The following MICAL2 variants were observed in gnomAD, a reference collection of about 807,000 sequenced individuals.
The protein encoded by MICAL2 is microtubule associated monooxygenase, calponin and LIM domain containing 2, also known as [F-actin]-monooxygenase MICAL2.
In MICAL2, 77 loss-of-function variants were observed where a neutral mutation model predicts 127.3. That is an observed-to-expected ratio of 0.60 (90% confidence interval 0.50 to 0.73). MICAL2 has a LOEUF of 0.73. Ranked by LOEUF, MICAL2 falls within the 30% of genes least tolerant of loss-of-function variation. The pLI, the probability that MICAL2 is intolerant of heterozygous loss-of-function variation, is 0.00. For missense variants in MICAL2, 1,351 were observed against 1,434.4 expected, an observed-to-expected ratio of 0.94 and a Z score of 0.94; for synonymous variants, 570 against 551.1, an observed-to-expected ratio of 1.03 and a Z score of -0.48.
At chr11:12,152,262 C>A (rs1674747436) in intron 2 of MICAL2, among the ~76,000 whole-genome samples, 1 of 121,750 alleles carries the variant, frequency 8.2e-6, no homozygotes, top group East Asian at 2.6e-4. Context: ...TGCACCACTG[C>A]ACTCTAGCTT....
chr11:12,255,233 T>C, intron 22 of MICAL2: 1 of 174,022 alleles, frequency 5.7e-6, no homozygotes, highest in Non-Finnish European at 1.2e-5. Context: ...TAACCATTTT[T>C]TAAGGGTACG....
chr11:12,241,856 A>G (rs1288847313), intron 18 of MICAL2, among the ~76,000 whole-genome samples: 2 of 151,964 alleles, frequency 1.3e-5, no homozygotes, highest in Non-Finnish European at 2.9e-5. Context: ...AAAACTACCA[A>G]TGTCTCATGC....
At chr11:12,336,664 G>T (rs12223705) in intron 32 of MICAL2, among the ~76,000 whole-genome samples, 19,223 of 151,594 alleles carry the variant, frequency 0.13, 1,516 homozygotes, top group South Asian at 0.22. Flanking sequence ...TAGCATGAAG[G>T]GTTGTTGAAT....
At chr11:12,273,183 G>A (rs79987674), upstream of MICAL2, among the ~76,000 whole-genome samples, 659 of 152,306 alleles carry the variant, frequency 4.3e-3, 6 homozygotes, top group African/African-American at 0.015. Flanking sequence ...TGCTGGTGTC[G>A]TAACCTCTCT....
intron 3 of MICAL2, among the ~76,000 whole-genome samples, chr11:12,195,409 G>C (rs1162140536): frequency 6.6e-6 from 1 of 152,156 alleles, no homozygotes; most frequent in South Asian, 2.1e-4. Flanking sequence ...TGAGTAGAAG[G>C]ATAGACGGAT....
intron 3 of MICAL2, among the ~76,000 whole-genome samples, chr11:12,162,951 T>C (rs763569421): frequency 2.4e-4 from 36 of 152,178 alleles, no homozygotes; most frequent in Admixed American, 4.6e-4. Context: ...GGTGTGGACA[T>C]TTTAGAAAGA....
intron 29 of MICAL2, among the ~76,000 whole-genome samples, chr11:12,299,398 C>G (rs983315122): frequency 6.6e-6 from 1 of 152,160 alleles, no homozygotes; most frequent in African/African-American, 2.4e-5. Context: ...CAGCATCATG[C>G]TCATTCAAAT....
intron 17 of MICAL2, among the ~76,000 whole-genome samples, chr11:12,240,465 T>C (rs913041324): frequency 2.6e-5 from 4 of 152,208 alleles, no homozygotes; most frequent in Admixed American, 2.6e-4. Context: ...TTAGTCTTGA[T>C]GTGGACTGTG....
chr11:12,239,333 C>T (rs1054208916), intron 16 of MICAL2, 103 bp from the exon 17 acceptor site: 2 of 1,488,312 alleles, frequency 1.3e-6, no homozygotes, highest in Non-Finnish European at 1.9e-6. Flanking sequence ...ATGGAGGGAG[C>T]CCTTCTGCGG....
intron 2 of MICAL2, 28 bp from the exon 3 acceptor site, chr11:12,162,051 T>A (rs913340517): frequency 6.6e-7 from 1 of 1,521,386 alleles, no homozygotes; most frequent in African/African-American, 1.4e-5. Flanking sequence ...CGTCCAAAGC[T>A]GACCTCTGCC....
chr11:12,345,696 A>C (rs1012416738), intron 32 of MICAL2, among the ~76,000 whole-genome samples: 1 of 152,208 alleles, frequency 6.6e-6, no homozygotes, highest in African/African-American at 2.4e-5. Context: ...CTTAACTACC[A>C]CCATTGTGGA....
At chr11:12,349,824 G>T in intron 32 of MICAL2, 1 of 1,613,344 alleles carries the variant, frequency 6.2e-7, no homozygotes, top group South Asian at 1.1e-5. Flanking sequence ...ATTTGCTGTT[G>T]ATTTCTTAAG....
intron 21 of MICAL2, among the ~76,000 whole-genome samples, chr11:12,247,140 C>T (rs955182259): frequency 2.6e-5 from 4 of 152,082 alleles, no homozygotes; most frequent in African/African-American, 9.7e-5. Flanking sequence ...CAGGCCAGTG[C>T]TCTCCTGTGT....
At chr11:12,338,489 C>A (rs1259443574) in intron 32 of MICAL2, among the ~76,000 whole-genome samples, 2 of 152,130 alleles carry the variant, frequency 1.3e-5, no homozygotes, top group African/African-American at 4.8e-5. Context: ...GAATTTGATC[C>A]TGTCATTATG....
chr11:12,350,048 A>C, intron 33 of MICAL2: 1 of 735,136 alleles, frequency 1.4e-6, no homozygotes, highest in Non-Finnish European at 2.3e-6. Flanking sequence ...TGCATACAGA[A>C]TAGTGATTGA....
chr11:12,328,319 A>G (rs1864377337), intron 32 of MICAL2, among the ~76,000 whole-genome samples: 1 of 152,222 alleles, frequency 6.6e-6, no homozygotes, highest in South Asian at 2.1e-4. Flanking sequence ...AACAAGCATT[A>G]GGGTACAACG....
intron 2 of MICAL2, among the ~76,000 whole-genome samples, chr11:12,139,486 G>A (rs1327349376): frequency 6.6e-6 from 1 of 152,308 alleles, no homozygotes; most frequent in Non-Finnish European, 1.5e-5. Flanking sequence ...TGGGGCATGG[G>A]CGGAGGCTCC....
intron 20 of MICAL2, 36 bp from the exon 21 acceptor site, chr11:12,243,951 G>T: frequency 1.2e-6 from 2 of 1,611,620 alleles, no homozygotes; most frequent in Non-Finnish European, 1.7e-6. Flanking sequence ...TGACTCCTGG[G>T]ATAATCCTTG....
intron 34 of MICAL2, among the ~76,000 whole-genome samples, chr11:12,355,592 G>A (rs1334127886): frequency 6.6e-6 from 1 of 152,148 alleles, no homozygotes; most frequent in Non-Finnish European, 1.5e-5. Context: ...ATCTAATACT[G>A]CACCTACCTT....
Sources: allele counts gnomAD v4.1 joint callset (sites outside exome capture counted in the v4.1 genomes callset), GRCh38; gene constraint gnomAD v4.1.1; transcripts MANE v1.5; gene names NCBI Gene and HGNC (gene_info 2026-07-23, HGNC 2026-07-21).